The following MMP26 variants were observed in gnomAD, a reference collection of about 807,000 sequenced individuals.
MMP26 encodes the protein matrix metallopeptidase 26.
Under a neutral mutation model 31.0 loss-of-function variants are expected in MMP26, and 33 were observed. That is an observed-to-expected ratio of 1.06 (90% CI 0.81 to 1.42). MMP26 has a LOEUF of 1.42. Among genes scored for constraint, MMP26 ranks in the 40% most tolerant of loss-of-function variants. The pLI, the probability that MMP26 is intolerant of heterozygous loss-of-function variation, is 0.00. For missense variants in MMP26, 347 were observed against 316.1 expected, an observed-to-expected ratio of 1.10 and a Z score of -0.74; for synonymous variants, 122 against 114.9, an observed-to-expected ratio of 1.06 and a Z score of -0.40.
intron 2 of MMP26, among the ~76,000 whole-genome samples, chr11:4,791,880 T>G (rs1230620570): frequency 1.3e-5 from 2 of 151,876 alleles, no homozygotes; most frequent in Non-Finnish European, 2.9e-5. Context: ...AACTTCTCCC[T>G]CTGCTATCTG....
intron 2 of MMP26, among the ~76,000 whole-genome samples, chr11:4,934,195 G>A (rs1207336576): frequency 3.1e-4 from 46 of 147,036 alleles, no homozygotes; most frequent in South Asian, 1.8e-3. Context: ...CACCAACAGT[G>A]TAAAAGTGTT....
intron 2 of MMP26, chr11:4,946,027 A>T: frequency 1.2e-6 from 1 of 826,124 alleles, no homozygotes; most frequent in Non-Finnish European, 1.9e-6. Flanking sequence ...CGCAGTATCC[A>T]GAGTGAATAA....
Position 4,907,308 on chromosome 11 carries a change from G to A in MMP26, c.-144-80760G>A, listed in dbSNP as rs1440097146. On this transcript the variant is annotated intron_variant, in intron 2 of 7. Coordinates refer to ENST00000380390, the MANE Select transcript of MMP26 (RefSeq NM_021801.5). ...TCACAAAACTGAGTTTTAACCAAAA[G>A]CATGACTGCTTTTCATTTATATGGT... 7 of 1,184,372 alleles carry A rather than the reference G, an allele frequency of 5.9e-6. No homozygotes were observed. The South Asian group carries it at 6.8e-5, about 12-fold the overall frequency. 73.4% of individuals were successfully genotyped at this position (1,184,372 alleles called of 1,614,324 possible).
chr11:4,717,748 A>T (rs1847954209), intron 1 of MMP26, among the ~76,000 whole-genome samples: 1 of 152,186 alleles, frequency 6.6e-6, no homozygotes, highest in African/African-American at 2.4e-5. Flanking sequence ...TATGCATACC[A>T]TTGTTACTTT....
At chr11:4,722,780 G>C (rs1848032779) in intron 1 of MMP26, 18 of 1,003,774 alleles carry the variant, frequency 1.8e-5, no homozygotes, top group South Asian at 7.8e-5. Context: ...GCTTCCCTTC[G>C]TGGGTCTCGA....
chr11:4,830,880 C>G (rs890188369), intron 2 of MMP26, among the ~76,000 whole-genome samples: 1 of 151,936 alleles, frequency 6.6e-6, no homozygotes, highest in Non-Finnish European at 1.5e-5. Context: ...CGTGAACAGA[C>G]AAAGACAAGA....
At chr11:4,795,700 A>G (rs774389510) in intron 2 of MMP26, among the ~76,000 whole-genome samples, 3 of 152,178 alleles carry the variant, frequency 2.0e-5, no homozygotes, top group Admixed American at 6.5e-5. Flanking sequence ...AGTCAATTAC[A>G]TCTAAAAAAA....
At chr11:4,907,531 G>A (rs188107887) in intron 2 of MMP26, 61 of 1,613,992 alleles carry the variant, frequency 3.8e-5, no homozygotes, top group South Asian at 5.5e-5. Flanking sequence ...CAGAGCCCTC[G>A]CTTCATGAGC....
At chr11:4,934,008 A>G (rs1851393309) in intron 2 of MMP26, among the ~76,000 whole-genome samples, 1 of 143,974 alleles carries the variant, frequency 6.9e-6, no homozygotes, top group African/African-American at 2.6e-5. Flanking sequence ...AGTCTTTGCT[A>G]TTGTGAATAA....
chr11:4,867,080 A>G (rs932185913), intron 2 of MMP26, among the ~76,000 whole-genome samples: 2 of 152,152 alleles, frequency 1.3e-5, no homozygotes, highest in African/African-American at 4.8e-5. Context: ...AAAACTGACC[A>G]ATGGGAAATA....
intron 2 of MMP26, among the ~76,000 whole-genome samples, chr11:4,827,535 G>A (rs1219372510): frequency 1.3e-5 from 2 of 151,868 alleles, no homozygotes; most frequent in Non-Finnish European, 2.9e-5. Context: ...ATACAGAAGT[G>A]GTCTCAGGAA....
At chr11:4,867,133 A>T (rs1262651199) in intron 2 of MMP26, among the ~76,000 whole-genome samples, 1 of 152,202 alleles carries the variant, frequency 6.6e-6, no homozygotes, top group Non-Finnish European at 1.5e-5. Context: ...AACTATCAAC[A>T]GAGAAAATAG....
At chr11:4,941,548 A>G (rs1006716041) in intron 2 of MMP26, among the ~76,000 whole-genome samples, 22 of 152,158 alleles carry the variant, frequency 1.4e-4, no homozygotes, top group Admixed American at 1.3e-3. Context: ...TAAAATGAAT[A>G]TTTTGATTCA....
chr11:4,987,813 G>A (rs1846927965), intron 2 of MMP26, among the ~76,000 whole-genome samples: 1 of 151,942 alleles, frequency 6.6e-6, no homozygotes, highest in African/African-American at 2.4e-5. Context: ...TTTAGCTTCT[G>A]GAGCAAGATT....
chr11:4,738,506 G>A (rs1253371898), intron 1 of MMP26, among the ~76,000 whole-genome samples: 3 of 152,170 alleles, frequency 2.0e-5, no homozygotes, highest in East Asian at 3.9e-4. Flanking sequence ...CATCTACAGG[G>A]CCTTGTGATA....
intron 2 of MMP26, chr11:4,769,620 T>C: frequency 1.2e-6 from 2 of 1,609,606 alleles, no homozygotes; most frequent in Non-Finnish European, 1.7e-6. Flanking sequence ...ATCTGGACAA[T>C]GCAGCTATAT....
intron 2 of MMP26, 126 bp from the exon 3 acceptor site, chr11:4,987,942 C>A: frequency 2.0e-6 from 1 of 489,092 alleles, no homozygotes; most frequent in South Asian, 2.4e-5. Context: ...CTGAGACTGA[C>A]CTGTATTTCC....
intron 3 of MMP26, among the ~76,000 whole-genome samples, chr11:4,988,608 C>G (rs1219638589): frequency 2.6e-5 from 4 of 152,044 alleles, no homozygotes; most frequent in Non-Finnish European, 4.4e-5. Flanking sequence ...AGAGTGAACA[C>G]TCCAGTATAT....
At chr11:4,929,034 T>C (rs1361684746) in intron 2 of MMP26, among the ~76,000 whole-genome samples, 3 of 152,134 alleles carry the variant, frequency 2.0e-5, no homozygotes, top group African/African-American at 7.2e-5. Context: ...TTAAACACTT[T>C]GGTTACTTCT....
Sources: allele counts gnomAD v4.1 joint callset (sites outside exome capture counted in the v4.1 genomes callset), GRCh38; gene constraint gnomAD v4.1.1; transcripts MANE v1.5; gene names NCBI Gene and HGNC (gene_info 2026-07-23, HGNC 2026-07-21).